The following DPP10 variants were observed in gnomAD, a reference collection of about 807,000 sequenced individuals.
DPP10 encodes the protein dipeptidyl peptidase like 10.
Under a neutral mutation model 120.9 loss-of-function variants are expected in DPP10, and 33 were observed. The observed-to-expected ratio is 0.27, with a 90% CI of 0.21 to 0.37. DPP10 has a LOEUF of 0.37. Among genes scored for constraint, DPP10 ranks in the 10% least tolerant of loss-of-function variants. The pLI is 1.00. For missense variants in DPP10, 816 were observed against 942.8 expected (o/e 0.87, Z 1.76); for synonymous variants, 337 against 326.1 (o/e 1.03, Z -0.36).
chr2:115,073,125 C>T (rs2104452816), intron 1 of DPP10, among the ~76,000 whole-genome samples: 1 of 152,284 alleles, frequency 6.6e-6, no homozygotes, highest in Admixed American at 6.5e-5. Flanking sequence ...GCATAATCTT[C>T]CTGATCTTCC....
At chr2:115,531,048 C>T (rs1421304447) in intron 5 of DPP10, among the ~76,000 whole-genome samples, 1 of 151,956 alleles carries the variant, frequency 6.6e-6, no homozygotes, top group Non-Finnish European at 1.5e-5. Flanking sequence ...ACGCTTAATC[C>T]TTATATCTTT....
intron 5 of DPP10, among the ~76,000 whole-genome samples, chr2:115,687,508 T>C (rs566465106): frequency 1.7e-4 from 26 of 151,826 alleles, no homozygotes; most frequent in Admixed American, 4.6e-4. Flanking sequence ...GATAGATAGA[T>C]AGATAGATAG....
intron 2 of DPP10, among the ~76,000 whole-genome samples, chr2:115,333,862 T>G (rs1382821670): frequency 6.6e-6 from 1 of 152,070 alleles, no homozygotes; most frequent in African/African-American, 2.4e-5. Flanking sequence ...TAACATTTTT[T>G]CCTTCACTTC....
chr2:115,441,630 A>G (rs777801622), intron 3 of DPP10, among the ~76,000 whole-genome samples: 2 of 152,148 alleles, frequency 1.3e-5, no homozygotes, highest in East Asian at 1.9e-4. Flanking sequence ...ATGTTAGACT[A>G]TTGAGCACTT....
rs906585871 is a variant in DPP10 at position 114,748,342 on chromosome 2, T to A, written c.60+305504T>A. Among the ~76,000 whole-genome samples, 6 of 117,144 alleles carry A rather than the reference T, an allele frequency of 5.1e-5. 1 individual carries two copies. The highest frequency in any genetic ancestry group is 1.1e-4 in the African/African-American group (3 of 27,850). 76.9% of individuals were successfully genotyped at this position (117,144 alleles called of 152,430 possible). On this transcript the variant is annotated intron_variant, in intron 1 of 25. Coordinates refer to ENST00000410059, the MANE Select transcript of DPP10 (RefSeq NM_020868.6). ...ACGTAGGACAAAGGGAATTTTCTTT[T>A]TTTTTTTTATTTTTTTTTATTTTAT...
At chr2:114,834,551 A>G (rs1687481221) in intron 1 of DPP10, among the ~76,000 whole-genome samples, 1 of 150,840 alleles carries the variant, frequency 6.6e-6, no homozygotes, top group African/African-American at 2.4e-5. Context: ...TATATAAGCC[A>G]TATCTACGCA....
At chr2:114,751,206 A>G (rs1469335225) in intron 1 of DPP10, among the ~76,000 whole-genome samples, 1 of 152,218 alleles carries the variant, frequency 6.6e-6, no homozygotes, top group Non-Finnish European at 1.5e-5. Flanking sequence ...TGTGACCTAT[A>G]CAAATTATCA....
intron 15 of DPP10, among the ~76,000 whole-genome samples, chr2:115,778,513 CTT>C (rs1220216633): frequency 1.3e-5 from 2 of 152,046 alleles, no homozygotes; most frequent in African/African-American, 2.4e-5. Context: ...ACAAAAATGA[CTT>C]TTATTTTTGG....
chr2:114,793,540 AC>A (rs1683434718), intron 1 of DPP10, among the ~76,000 whole-genome samples: 1 of 152,164 alleles, frequency 6.6e-6, no homozygotes, highest in South Asian at 2.1e-4. Flanking sequence ...TCAATTGCCC[AC>A]TGTGTATCAG....
chr2:115,168,007 A>G (rs1245942087), intron 1 of DPP10, among the ~76,000 whole-genome samples: 1 of 152,130 alleles, frequency 6.6e-6, no homozygotes, highest in Admixed American at 6.5e-5. Context: ...GGAAAGACAG[A>G]TGGGATTTAT....
At chr2:114,610,196 C>T (rs1031696752) in intron 1 of DPP10, among the ~76,000 whole-genome samples, 3 of 151,994 alleles carry the variant, frequency 2.0e-5, no homozygotes, top group East Asian at 3.9e-4. Context: ...ATATCACAGG[C>T]GTATGTTTTG....
intron 1 of DPP10, among the ~76,000 whole-genome samples, chr2:114,651,225 G>T (rs150073610): frequency 1.3e-5 from 2 of 152,220 alleles, no homozygotes; most frequent in Non-Finnish European, 2.9e-5. Flanking sequence ...GTCACATTTT[G>T]ACTAGAATTA....
chr2:114,597,103 A>G (rs1438642695), intron 1 of DPP10, among the ~76,000 whole-genome samples: 1 of 152,036 alleles, frequency 6.6e-6, no homozygotes, highest in African/African-American at 2.4e-5. Flanking sequence ...GACTTAGTAC[A>G]TTATGGTGCT....
At chr2:115,331,482 G>A (rs1021531660) in intron 2 of DPP10, among the ~76,000 whole-genome samples, 2 of 152,104 alleles carry the variant, frequency 1.3e-5, no homozygotes, top group East Asian at 3.9e-4. Context: ...GGTGAAAGGG[G>A]GCATCCCCGT....
intron 3 of DPP10, among the ~76,000 whole-genome samples, chr2:115,403,381 C>CTTTTTTTTTTTT (rs78116780): frequency 2.5e-5 from 3 of 118,384 alleles, no homozygotes; most frequent in East Asian, 3.0e-4. Context: ...TTCTTTCCTT[C>CTTTTTTTTTTTT]TTTTTTTTTT....
chr2:114,864,223 G>T (rs1690046704), intron 1 of DPP10, among the ~76,000 whole-genome samples: 1 of 152,012 alleles, frequency 6.6e-6, no homozygotes, highest in African/African-American at 2.4e-5. Flanking sequence ...TCACTCTTTG[G>T]TGGTGTAGAT....
intron 1 of DPP10, among the ~76,000 whole-genome samples, chr2:115,247,972 T>C (rs2058605719): frequency 6.6e-6 from 1 of 152,122 alleles, no homozygotes. Context: ...GGTAAACCCT[T>C]GGAATATCAT....
At chr2:115,177,260 G>A (rs575427113) in intron 1 of DPP10, among the ~76,000 whole-genome samples, 7 of 152,102 alleles carry the variant, frequency 4.6e-5, no homozygotes, top group South Asian at 2.1e-4. Context: ...ACTTAAAATT[G>A]TCTTCCTTGT....
At chr2:114,565,930 C>G (rs770135683) in intron 1 of DPP10, among the ~76,000 whole-genome samples, 2 of 152,200 alleles carry the variant, frequency 1.3e-5, no homozygotes, top group Non-Finnish European at 2.9e-5. Context: ...GTACCTCCCT[C>G]TGTGTTCCAG....
Sources: allele counts gnomAD v4.1 joint callset (sites outside exome capture counted in the v4.1 genomes callset), GRCh38; gene constraint gnomAD v4.1.1; transcripts MANE v1.5; gene names NCBI Gene and HGNC (gene_info 2026-07-23, HGNC 2026-07-21).